Variants in SECISBP2 observed in about 807,000 individuals in gnomAD.
SECISBP2 encodes the protein selenocysteine insertion sequence-binding protein 2.
SECISBP2 carries 96 observed loss-of-function variants against 98.2 expected under a neutral mutation model. The ratio of observed to expected loss-of-function variants is 0.98; its 90% CI spans 0.83 to 1.16. The LOEUF is 1.16. SECISBP2 is among the 50% of genes most tolerant of loss of function. The pLI, the probability that SECISBP2 is intolerant of heterozygous loss-of-function variation, is 0.00. For synonymous variants in SECISBP2, 407 were observed against 370.2 expected (o/e 1.10, Z -1.14); for missense variants, 1,046 against 1,022.9 (o/e 1.02, Z -0.31).
At position 89,349,862 on chromosome 9, in the gene SECISBP2, A is replaced by G; in HGVS notation, c.1825A>G (p.Thr609Ala). The part of the protein sequence containing the change: ...EPPGTELQRD[T>A]EASHLAPNHT... ...ACCAGGCACAGAGCTCCAGAGGGACACAGAGGCCTCCCACCTTGCTCCCAA... is the reference window on the plus strand; with the variant it reads ...ACCAGGCACAGAGCTCCAGAGGGACGCAGAGGCCTCCCACCTTGCTCCCAA... The change falls in exon 13 of 17, where the codon ACA becomes GCA. Residue 609 changes from threonine to alanine, a missense_variant. Physicochemically the swap from Thr to Ala is moderately conservative, Grantham distance 58. Transcript: ENST00000375807. The G allele has an allele frequency of 6.8e-6, 11 of 1,614,244 alleles. No individual in the cohort carries two copies. The highest frequency in any genetic ancestry group is 9.3e-6 in the Non-Finnish European group (11 of 1,180,044).
chr9:89,347,148 G>A, intron 11 of SECISBP2, 100 bp downstream of exon 11: 1 of 1,227,014 alleles, frequency 8.1e-7, no homozygotes, highest in Non-Finnish European at 1.2e-6. Flanking sequence ...TTTACGACTT[G>A]TATTACTTGA....
Position 89,334,571 on chromosome 9 carries a change from A to C in SECISBP2, c.930A>C (p.Thr310=), listed in dbSNP as rs1828307773. The C allele has an allele frequency of 6.2e-7, 1 of 1,614,210 alleles. No individual in the cohort carries two copies. Among genetic ancestry groups the C allele is most frequent in the Non-Finnish European group, 8.5e-7 (1 of 1,180,040 alleles). The change falls in exon 7 of 17, where the codon ACA becomes ACC. Residue 310 remains threonine, a synonymous_variant. Transcript: ENST00000375807. The part of the protein sequence containing the change: ...MGYVVRQTLS[T]ELSAAPKNVT... ...ATGTTGTTCGACAGACATTATCTAC[A>C]GAACTGTCAGCAGCCCCTAAAAATG...
intron 10 of SECISBP2, among the ~76,000 whole-genome samples, chr9:89,343,345 C>CT (rs1564400866): frequency 1.3e-5 from 2 of 151,800 alleles, no homozygotes; most frequent in Admixed American, 6.6e-5. Flanking sequence ...TGTGGATCTT[C>CT]TTTTTTTTAA....
At chr9:89,328,953 TA>T in intron 5 of SECISBP2, 67 bp downstream of exon 5, 1 of 1,296,128 alleles carries the variant, frequency 7.7e-7, no homozygotes. Flanking sequence ...TTTCAAACAT[TA>T]CACATTAAAT....
At chr9:89,343,446 C>T (rs543689958) in intron 10 of SECISBP2, among the ~76,000 whole-genome samples, 10 of 152,108 alleles carry the variant, frequency 6.6e-5, no homozygotes, top group South Asian at 2.1e-4. Flanking sequence ...TATTTTGTCA[C>T]GCAGGTACTA....
chr9:89,350,669 T>G lies in SECISBP2; in HGVS notation c.1930T>G (p.Cys644Gly). Residue 644 changes from cysteine (C) to glycine (G), a missense_variant, in exon 14 of 17, where the codon TGT becomes GGT. Physicochemically the swap from Cys to Gly is radical, Grantham distance 159. Coordinates refer to ENST00000375807, the MANE Select transcript of SECISBP2 (RefSeq NM_024077.5). ...SQMLSKEVDA[C>G]VTDLLKELVR... ...GATGCTTAGTAAAGAAGTGGATGCT[T>G]GTGTTACCGACCTACTCAAAGAACT... is the stretch of plus-strand genomic sequence containing the variant. The G allele has an allele frequency of 1.9e-6, 3 of 1,614,198 alleles. No individual in the cohort carries two copies. Among genetic ancestry groups the G allele is most frequent in the Non-Finnish European group, 2.5e-6 (3 of 1,180,020 alleles).
In SECISBP2 at chr9:89,325,675, A is replaced by G; in HGVS notation, c.431A>G (p.Lys144Arg). The G allele has an allele frequency of 1.9e-6, 3 of 1,614,210 alleles. No homozygotes were observed. Among genetic ancestry groups the G allele is most frequent in the Non-Finnish European group, 2.5e-6 (3 of 1,180,026 alleles). Residue 144 changes from lysine (K) to arginine (R), a missense_variant and splice_region_variant, in exon 3 of 17, where the codon AAG (lysine) becomes AGG (arginine). Coordinates refer to ENST00000375807, the MANE Select transcript of SECISBP2 (RefSeq NM_024077.5). ...PLPQEMKALF[K>R]KKTYDEKKTY... The stretch of plus-strand genomic sequence containing the variant: ...CCACAAGAAATGAAAGCTCTGTTTA[A>G]GGTGAGTAGTGATGTTGTTTTGTTG...
At chr9:89,339,837 A>C (rs1829385462) in intron 8 of SECISBP2, 27 bp from the exon 9 acceptor site, 1 of 1,532,616 alleles carries the variant, frequency 6.5e-7, no homozygotes, top group Admixed American at 1.7e-5. Context: ...TTAACAAAAG[A>C]GCTAAAGGGG....
intron 16 of SECISBP2, 149 bp downstream of exon 16, chr9:89,358,340 T>TATC (rs1376879335): frequency 4.9e-6 from 4 of 820,792 alleles, no homozygotes; most frequent in African/African-American, 1.7e-5. Flanking sequence ...TAAGAGGTAT[T>TATC]ATCAGACTTT....
At chr9:89,346,839 A>T in intron 10 of SECISBP2, 43 bp from the exon 11 acceptor site, 1 of 1,612,782 alleles carries the variant, frequency 6.2e-7, no homozygotes, top group Non-Finnish European at 8.5e-7. Context: ...TGGGTGGGGC[A>T]TCTGGGAGGT....
intron 8 of SECISBP2, 63 bp downstream of exon 8, chr9:89,338,643 T>G: frequency 6.5e-7 from 1 of 1,544,862 alleles, no homozygotes. Context: ...TAAAAGAAAC[T>G]TGGGTTCATA....
rs768968711 is a variant in SECISBP2, at chr9:89,349,911, A to G, written c.1874A>G (p.His625Arg). The change falls in exon 13 of 17, where the codon CAC becomes CGC. Residue 625 changes from histidine (H) to arginine (R), a missense_variant. By Grantham distance (29) the His-to-Arg change is conservative (BLOSUM62 0). Transcript: ENST00000375807. ...AATCACACCACCTTCCCTAAGATCC[A>G]CAGCCGCAGATTCAGGGAGTGAGTG... ...APNHTTFPKI[H>R]SRRFRDYCSQ... 3.1e-6 allele frequency: 5 copies of G among 1,614,150 alleles called. No individual in the cohort carries two copies. The highest frequency in any genetic ancestry group is 4.2e-6 in the Non-Finnish European group (5 of 1,180,022).
chr9:89,350,957 A>G, intron 14 of SECISBP2, 105 bp downstream of exon 14: 2 of 925,358 alleles, frequency 2.2e-6, no homozygotes, highest in Non-Finnish European at 3.5e-6. Context: ...AGGTCTTGAC[A>G]ACTCGTTTTC....
chr9:89,357,504 G>A lies in SECISBP2; in HGVS notation c.2207G>A (p.Arg736His), dbSNP rs201887529. ...VFALNRKALG[R>H]SLNKAVPVSV... ...GCTCTCAACCGCAAAGCTCTGGGGC[G>A]CAGTTTGAATAAGGCAGTTCCTGTC... The change falls in exon 15 of 17, where the codon CGC (arginine) becomes CAC (histidine). Residue 736 changes from arginine (R) to histidine (H), a missense_variant. Transcript: ENST00000375807. 45 of 1,614,202 alleles carry A rather than the reference G, an allele frequency of 2.8e-5. No homozygotes were observed. Among genetic ancestry groups the A allele is most frequent in the Non-Finnish European group, 3.2e-5 (38 of 1,180,046 alleles).
At chr9:89,365,010 C>T in the SECISBP2 span, 1 of 152,302 alleles carries the variant, frequency 6.6e-6, no homozygotes, top group Non-Finnish European at 1.5e-5. Flanking sequence ...CTTCCTTGCT[C>T]GTGAAGTCTG....
Position 89,349,863 on chromosome 9 carries a change from CAG to C in SECISBP2, c.1829_1830del (p.Glu610GlyfsTer13), listed in dbSNP as rs1331617309. 9.9e-6 allele frequency: 16 copies of C among 1,614,246 alleles called. No homozygotes were observed. Among genetic ancestry groups the C allele is most frequent in the Non-Finnish European group, 1.3e-5 (15 of 1,180,044 alleles). Reference sequence around the variant, plus strand: ...CCAGGCACAGAGCTCCAGAGGGACACAGAGGCCTCCCACCTTGCTCCCAATCA... The same window carrying C: ...CCAGGCACAGAGCTCCAGAGGGACACAGGCCTCCCACCTTGCTCCCAATCA... On this transcript the variant is annotated frameshift_variant, in exon 13 of 17. Coordinates refer to ENST00000375807, the MANE Select transcript of SECISBP2 (RefSeq NM_024077.5). LOFTEE classifies it high-confidence loss of function.
chr9:89,363,594 G>A (rs906395960), downstream of SECISBP2: 9 of 1,603,676 alleles, frequency 5.6e-6, no homozygotes, highest in Admixed American at 1.5e-4. Flanking sequence ...GATGCCCACT[G>A]GCCACCTTTC....
chr9:89,362,320 G>T, downstream of SECISBP2: 2 of 1,612,488 alleles, frequency 1.2e-6, no homozygotes, highest in Non-Finnish European at 1.7e-6. Flanking sequence ...GGGGGACCAG[G>T]CCTTCTCCGG....
In SECISBP2 at chr9:89,350,843, C is replaced by T. The variant is rs1831169481; in HGVS notation, c.2104C>T (p.Gln702Ter). ...TATTTCTCCCAACTGTGAGAAGATA[C>T]AGTCAAAAGGTAAAGGCACAGTGTG... The part of the protein sequence containing the change: ...VIISPNCEKI[Q>*]SKGGLDDTLH... The change falls in exon 14 of 17, where the codon CAG becomes TAG. Residue 702 changes from glutamine (Q) to a stop codon, truncating the protein, a stop_gained. Coordinates refer to ENST00000375807, the MANE Select transcript of SECISBP2 (RefSeq NM_024077.5). LOFTEE classifies it high-confidence loss of function. 3.7e-6 allele frequency: 6 copies of T among 1,613,754 alleles called. No homozygotes were observed. Among genetic ancestry groups the T allele is most frequent in the Non-Finnish European group, 5.1e-6 (6 of 1,179,622 alleles).
Sources: gnomAD v4.1 joint callset for allele counts (sites outside exome capture counted in the v4.1 genomes callset) on GRCh38, gnomAD v4.1.1 for gene constraint, MANE v1.5 for transcripts, NCBI Gene and HGNC (gene_info 2026-07-23, HGNC 2026-07-21) for gene names.